The following PCDHGA11 variants were observed in gnomAD, a reference collection of about 807,000 sequenced individuals.
PCDHGA11 encodes protocadherin gamma subfamily A, 11, also known as protocadherin gamma-A11.
A neutral mutation model predicts 60.4 loss-of-function variants in PCDHGA11; 39 were observed. The observed-to-expected ratio is 0.65, with a 90% CI of 0.50 to 0.84. PCDHGA11 has a LOEUF of 0.84. Among genes scored for constraint, PCDHGA11 ranks in the 40% least tolerant of loss-of-function variants. The pLI, the probability that PCDHGA11 is intolerant of heterozygous loss-of-function variation, is 0.00. For missense variants in PCDHGA11, 1,165 were observed against 1,197.7 expected, an observed-to-expected ratio of 0.97 and a Z score of 0.40; for synonymous variants, 533 against 510.3, an observed-to-expected ratio of 1.04 and a Z score of -0.60.
rs1440733700 is a variant in PCDHGA11 at position 141,441,803 on chromosome 5, G to A, written c.2433+18143G>A. 249 of 383,164 alleles carry A rather than the reference G, an allele frequency of 6.5e-4. 2 individuals carry two copies. Among genetic ancestry groups the A allele is most frequent in the African/African-American group, 4.8e-3 (220 of 45,902 alleles). The allele number at this position is 383,164 out of a possible 1,614,324, so 23.7% of individuals were successfully genotyped here. The stretch of plus-strand genomic sequence containing the variant: ...ACCTGAATGACAACGCACCGCGGGT[G>A]CTGTACCCCAGCTCTGGAGCGCAAT... On this transcript the variant is annotated intron_variant, in intron 1 of 3. Coordinates refer to ENST00000398587, the MANE Select transcript of PCDHGA11 (RefSeq NM_018914.3).
At chr5:141,468,428 T>C (rs936671539) in intron 1 of PCDHGA11, 11 of 151,374 alleles carry the variant, frequency 7.3e-5, no homozygotes, top group Non-Finnish European at 1.3e-4. Context: ...AGCAAGGTAA[T>C]AGCAAAATGT....
rs570809952 is a variant in PCDHGA11 at position 141,463,609 on chromosome 5, C to T, written c.2434-31198C>T. 4.6e-5 allele frequency among the ~76,000 whole-genome samples: 7 copies of T among 151,964 alleles called. No homozygotes were observed. In the East Asian group the frequency reaches 9.7e-4, roughly 21 times the overall value. The stretch of plus-strand genomic sequence containing the variant: ...GACTACAGGTGCCTGCCACCATGCC[C>T]GGCTAATTTTTTGTATTTTGTTTAG... On this transcript the variant is annotated intron_variant, in intron 1 of 3. Coordinates refer to ENST00000398587, the MANE Select transcript of PCDHGA11 (RefSeq NM_018914.3).
chr5:141,441,692 G>A (rs1165171238), intron 1 of PCDHGA11: 2 of 301,376 alleles, frequency 6.6e-6, no homozygotes, highest in Non-Finnish European at 1.3e-5. Context: ...AAGAGCAGCC[G>A]CGAGCCTTCA....
intron 1 of PCDHGA11, among the ~76,000 whole-genome samples, chr5:141,472,352 T>G (rs1364883510): frequency 6.6e-6 from 1 of 151,718 alleles, no homozygotes; most frequent in Non-Finnish European, 1.5e-5. Context: ...CCATCCTGGC[T>G]AACACGGTGA....
chr5:141,461,773 C>T (rs894271810), intron 1 of PCDHGA11, among the ~76,000 whole-genome samples: 3 of 152,108 alleles, frequency 2.0e-5, no homozygotes, highest in Non-Finnish European at 4.4e-5. Context: ...CCTGCCTCAG[C>T]CTCCCAAGTA....
At chr5:141,478,338 C>T in intron 1 of PCDHGA11, 2 of 1,613,936 alleles carry the variant, frequency 1.2e-6, no homozygotes, top group South Asian at 1.1e-5. Flanking sequence ...CCAGGGCCCT[C>T]CTTGCACGCG....
chr5:141,469,128 T>C (rs567164869), intron 1 of PCDHGA11, among the ~76,000 whole-genome samples: 1 of 151,692 alleles, frequency 6.6e-6, no homozygotes, highest in East Asian at 1.9e-4. Context: ...ATTTAAAAAT[T>C]AGCCAGAAAT....
chr5:141,501,296 C>T (rs4912760), intron 2 of PCDHGA11, among the ~76,000 whole-genome samples: 1,659 of 80,026 alleles, frequency 0.021, 16 homozygotes, highest in African/African-American at 0.042. Flanking sequence ...CTTATACACA[C>T]ACACACACAC....
rs534356534 is a variant in PCDHGA11 at position 141,432,344 on chromosome 5, C to G, written c.2433+8684C>G. ...CGACTACGAGCAGTTCCGAGACTTG[C>G]AAGTGAAAGTGATGGCGCGGGACAA... is the stretch of plus-strand genomic sequence containing the variant. On this transcript the variant is annotated intron_variant, in intron 1 of 3. Coordinates refer to ENST00000398587, the MANE Select transcript of PCDHGA11 (RefSeq NM_018914.3). This position sits in a 1 kb window ranked among gnomAD's most constrained non-coding sequence, Gnocchi z 6.0. 1.9e-5 allele frequency: 30 copies of G among 1,614,238 alleles called. No individual in the cohort carries two copies. In the East Asian group the frequency reaches 2.5e-4, roughly 13 times the overall value.
In PCDHGA11 at chr5:141,432,645, C is replaced by A. The variant is rs758701539; in HGVS notation, c.2433+8985C>A. ...CTGCACACGGGCGAGGTGCGCACGG[C>A]GCGAGCCCTGCTGGACAGAGACGCG... On this transcript the variant is annotated intron_variant, in intron 1 of 3. Coordinates refer to ENST00000398587, the MANE Select transcript of PCDHGA11 (RefSeq NM_018914.3). This position sits in a 1 kb window ranked among gnomAD's most constrained non-coding sequence, Gnocchi z 6.0. The A allele has an allele frequency of 1.2e-5, 20 of 1,613,628 alleles. No individual in the cohort carries two copies. The highest frequency in any genetic ancestry group is 1.6e-4 in the Middle Eastern group (1 of 6,066).
chr5:141,464,911 T>G (rs2099093002), intron 1 of PCDHGA11, among the ~76,000 whole-genome samples: 1 of 151,718 alleles, frequency 6.6e-6, no homozygotes, highest in Non-Finnish European at 1.5e-5. Context: ...GCTAATTTTT[T>G]TATTTTTTTG....
intron 1 of PCDHGA11, chr5:141,427,796 C>A: frequency 6.7e-7 from 1 of 1,502,108 alleles, no homozygotes; most frequent in Non-Finnish European, 9.2e-7. Flanking sequence ...CCTACGTGTC[C>A]GTGAGCGCAC....
intron 2 of PCDHGA11, among the ~76,000 whole-genome samples, chr5:141,504,422 T>G (rs1375202110): frequency 6.6e-6 from 1 of 152,078 alleles, no homozygotes; most frequent in Admixed American, 6.6e-5. Context: ...AGACAGGCAC[T>G]ACAACAGCTG....
chr5:141,454,998 G>C (rs909142112), intron 1 of PCDHGA11, among the ~76,000 whole-genome samples: 27 of 151,220 alleles, frequency 1.8e-4, no homozygotes, highest in African/African-American at 5.8e-4. Context: ...ATTTTTAGTA[G>C]AGACGGGGTT....
chr5:141,467,764 TGCCCGCACCTCA>T (rs544344217), intron 1 of PCDHGA11, among the ~76,000 whole-genome samples: 90 of 152,158 alleles, frequency 5.9e-4, no homozygotes, highest in South Asian at 1.0e-3. Context: ...CATGCTCAAG[TGCCCGCACCTCA>T]GCCTCTCAAG....
chr5:141,446,532 A>G (rs1443843436), intron 1 of PCDHGA11, among the ~76,000 whole-genome samples: 1 of 151,788 alleles, frequency 6.6e-6, no homozygotes, highest in Non-Finnish European at 1.5e-5. Flanking sequence ...GCTGGAGTGC[A>G]GTGGCCCTAT....
chr5:141,500,394 A>G (rs1024641290), intron 2 of PCDHGA11, among the ~76,000 whole-genome samples: 1 of 151,922 alleles, frequency 6.6e-6, no homozygotes, highest in Non-Finnish European at 1.5e-5. Flanking sequence ...TATTTTTAGT[A>G]GAGACGGGGT....
chr5:141,445,446 G>T (rs2098467238), intron 1 of PCDHGA11, among the ~76,000 whole-genome samples: 1 of 152,264 alleles, frequency 6.6e-6, no homozygotes, highest in Admixed American at 6.5e-5. Flanking sequence ...ATGGACTAAG[G>T]ATGCAGCAAT....
intron 1 of PCDHGA11, chr5:141,427,865 G>T: frequency 6.4e-7 from 1 of 1,558,148 alleles, no homozygotes; most frequent in Non-Finnish European, 8.8e-7. Context: ...GCGCCTTCGA[G>T]CTCACGATGC....
Sources: gnomAD v4.1 joint callset for allele counts (sites outside exome capture counted in the v4.1 genomes callset) on GRCh38, gnomAD v4.1.1 for gene constraint, Gnocchi (gnomAD v3.1) non-coding constraint, MANE v1.5 for transcripts, NCBI Gene and HGNC (gene_info 2026-07-23, HGNC 2026-07-21) for gene names.